Variants in GRID2 observed in about 807,000 individuals in gnomAD.
GRID2 encodes the protein glutamate receptor ionotropic, delta-2.
A neutral mutation model predicts 114.8 loss-of-function variants in GRID2; 33 were observed. That is an observed-to-expected ratio of 0.29 (90% confidence interval 0.22 to 0.38). The LOEUF (loss-of-function observed/expected upper bound fraction) is 0.38. Ranked by LOEUF, GRID2 falls within the 10% of genes least tolerant of loss-of-function variation. GRID2 has a pLI of 1.00. For missense variants in GRID2, 1,184 were observed against 1,257.7 expected (o/e 0.94, Z 0.89); for synonymous variants, 505 against 449.9 (o/e 1.12, Z -1.55).
At chr4:93,757,993 TC>T (rs1305690453) in intron 14 of GRID2, among the ~76,000 whole-genome samples, 2 of 152,038 alleles carry the variant, frequency 1.3e-5, no homozygotes, top group African/African-American at 4.8e-5. Context: ...AAAAGGAACC[TC>T]ATAGCGTATT....
intron 1 of GRID2, among the ~76,000 whole-genome samples, chr4:92,338,352 CAATG>C (rs1727293581): frequency 6.6e-6 from 1 of 152,052 alleles, no homozygotes; most frequent in African/African-American, 2.4e-5. Context: ...AAAAGTTTTT[CAATG>C]AAGAGTATTC....
chr4:92,722,511 T>G (rs2149318383), intron 2 of GRID2, among the ~76,000 whole-genome samples: 1 of 152,174 alleles, frequency 6.6e-6, no homozygotes, highest in Non-Finnish European at 1.5e-5. Context: ...GAAACTATTG[T>G]GTACTGGAGG....
chr4:92,495,326 G>A (rs991915084), intron 1 of GRID2, among the ~76,000 whole-genome samples: 1 of 151,890 alleles, frequency 6.6e-6, no homozygotes, highest in Non-Finnish European at 1.5e-5. Flanking sequence ...AGGGCTAGTC[G>A]CTATGGGGGA....
chr4:93,514,366 C>T (rs1220990386), intron 12 of GRID2, among the ~76,000 whole-genome samples: 1 of 150,854 alleles, frequency 6.6e-6, no homozygotes, highest in African/African-American at 2.4e-5. Context: ...TTCAGCTTTC[C>T]AGAAACATGA....
Position 93,321,218 on chromosome 4 carries a change from A to C in GRID2, c.1246-74389A>C, listed in dbSNP as rs533305684. On this transcript the variant is annotated intron_variant, in intron 8 of 15. Coordinates refer to ENST00000282020, the MANE Select transcript of GRID2 (RefSeq NM_001510.4). ...GAGAATAAGATTTTTAATCCTGAGA[A>C]GGGGTGGTCAGGACTGCACATCACA... Among the ~76,000 whole-genome samples the C allele has an allele frequency of 8.5e-5, 13 of 152,194 alleles. No individual in the cohort carries two copies. In the East Asian group the frequency reaches 2.3e-3, roughly 27 times the overall value.
intron 13 of GRID2, among the ~76,000 whole-genome samples, chr4:93,573,095 A>G (rs1006529392): frequency 2.0e-5 from 3 of 152,136 alleles, no homozygotes; most frequent in Admixed American, 6.6e-5. Context: ...AGACAGAGAG[A>G]AAGAGAGAAT....
At chr4:92,605,352 A>G (rs1041181643) in intron 2 of GRID2, among the ~76,000 whole-genome samples, 2 of 152,080 alleles carry the variant, frequency 1.3e-5, no homozygotes, top group Non-Finnish European at 2.9e-5. Context: ...GATACTTCTT[A>G]TTCACGGTAC....
At chr4:93,089,121 G>T (rs1730569403) in intron 3 of GRID2, among the ~76,000 whole-genome samples, 1 of 152,050 alleles carries the variant, frequency 6.6e-6, no homozygotes, top group Admixed American at 6.6e-5. Flanking sequence ...TCCAGTAAGT[G>T]GAGAAGCCCC....
intron 1 of GRID2, among the ~76,000 whole-genome samples, chr4:92,353,089 A>T (rs1728149340): frequency 6.6e-6 from 1 of 151,704 alleles, no homozygotes; most frequent in African/African-American, 2.4e-5. Context: ...AGTTCATATT[A>T]ACTTACCTTC....
At chr4:92,308,694 T>G (rs569842427) in intron 1 of GRID2, among the ~76,000 whole-genome samples, 1 of 152,130 alleles carries the variant, frequency 6.6e-6, no homozygotes, top group African/African-American at 2.4e-5. Context: ...TTTTGACAAT[T>G]ACAGCATATA....
At chr4:93,420,965 G>A (rs1229865929) in intron 9 of GRID2, among the ~76,000 whole-genome samples, 4 of 152,062 alleles carry the variant, frequency 2.6e-5, no homozygotes, top group African/African-American at 9.7e-5. Context: ...ATGTTAGCCA[G>A]GATGGTCTCA....
In GRID2 at chr4:92,586,158, G is replaced by A. The variant is rs369234697; in HGVS notation, c.89-3973G>A. Among the ~76,000 whole-genome samples, 5 of 151,780 alleles carry A rather than the reference G, an allele frequency of 3.3e-5. No homozygotes were observed. In the East Asian group the frequency reaches 5.8e-4, roughly 18 times the overall value. ...GAAATTATATTTTGCTAATTGATAA[G>A]GACTACCTCTGTGGTAGAGGAAACA... On this transcript the variant is annotated intron_variant, in intron 1 of 15. Coordinates refer to ENST00000282020, the MANE Select transcript of GRID2 (RefSeq NM_001510.4).
At chr4:93,673,041 T>C (rs993615827) in intron 14 of GRID2, among the ~76,000 whole-genome samples, 1 of 152,178 alleles carries the variant, frequency 6.6e-6, no homozygotes, top group Non-Finnish European at 1.5e-5. Flanking sequence ...TTTAAATTAC[T>C]TTCAGCCCTG....
At chr4:93,050,991 C>T (rs1726655385) in intron 2 of GRID2, among the ~76,000 whole-genome samples, 1 of 151,998 alleles carries the variant, frequency 6.6e-6, no homozygotes, top group South Asian at 2.1e-4. Flanking sequence ...ATATAAAGGT[C>T]ATACCACTGA....
In GRID2 at chr4:92,954,593, AT is replaced by A. The variant is rs1266718054; in HGVS notation, c.245-130391del. Among the ~76,000 whole-genome samples, 1,038 of 146,144 alleles carry A rather than the reference AT, an allele frequency of 7.1e-3. 10 individuals are homozygous for A. Among genetic ancestry groups the A allele is most frequent in the African/African-American group, 0.024 (943 of 39,816 alleles). On this transcript the variant is annotated intron_variant, in intron 2 of 15. Transcript: ENST00000282020. The stretch of plus-strand genomic sequence containing the variant: ...AGGTGCCAGCCACCATGCCCGGCTA[AT>A]TTTTTTTTTTAATTTTCTTTTTTTT...
At chr4:93,390,849 A>G (rs780442625) in intron 8 of GRID2, among the ~76,000 whole-genome samples, 15 of 152,132 alleles carry the variant, frequency 9.9e-5, no homozygotes, top group South Asian at 2.1e-4. Flanking sequence ...ACATATTTGT[A>G]TATATATGTG....
intron 2 of GRID2, among the ~76,000 whole-genome samples, chr4:92,674,445 T>A (rs889978540): frequency 6.6e-6 from 1 of 152,166 alleles, no homozygotes; most frequent in African/African-American, 2.4e-5. Context: ...TCAGATAATT[T>A]ATTTTTACAG....
chr4:93,503,556 A>T (rs970267480), intron 12 of GRID2, among the ~76,000 whole-genome samples: 1 of 138,486 alleles, frequency 7.2e-6, no homozygotes, highest in Admixed American at 8.3e-5. Flanking sequence ...ATTCCCACCT[A>T]TGAGTGAGAA....
chr4:93,029,164 A>G (rs1463275975), intron 2 of GRID2, among the ~76,000 whole-genome samples: 7 of 152,142 alleles, frequency 4.6e-5, no homozygotes, highest in South Asian at 4.1e-4. Flanking sequence ...GGAAGTCCCT[A>G]TTCAAGGGTT....
Sources: allele counts gnomAD v4.1 joint callset (sites outside exome capture counted in the v4.1 genomes callset), GRCh38; gene constraint gnomAD v4.1.1; transcripts MANE v1.5; gene names NCBI Gene and HGNC (gene_info 2026-07-23, HGNC 2026-07-21).